The following POGLUT3 variants were observed in gnomAD, a reference collection of about 807,000 sequenced individuals.
The protein encoded by POGLUT3 is KDEL (Lys-Asp-Glu-Leu) containing 2.
POGLUT3 carries 48 observed loss-of-function variants against 54.3 expected under a neutral mutation model. The observed-to-expected ratio is 0.88, with a 90% CI of 0.70 to 1.12. The LOEUF (loss-of-function observed/expected upper bound fraction) is 1.12, where lower values mean the gene tolerates loss of function less well. Among genes scored for constraint, POGLUT3 ranks in the 50% most tolerant of loss-of-function variants. The probability of loss-of-function intolerance (pLI) is 0.00; values close to 1 mark genes in which losing one functional copy is unlikely to be tolerated. For synonymous variants in POGLUT3, 218 were observed against 237.4 expected (o/e 0.92, Z 0.75); for missense variants, 629 against 618.7 (o/e 1.02, Z -0.18).
At chr11:108,490,883 G>A (rs1173628444) in intron 2 of POGLUT3, 87 bp downstream of exon 2, 2 of 886,300 alleles carry the variant, frequency 2.3e-6, no homozygotes, top group African/African-American at 1.7e-5. Context: ...TACTGCACAT[G>A]ACTTTGAGGT....
chr11:108,489,980 G>T (rs1013505687), intron 2 of POGLUT3, among the ~76,000 whole-genome samples: 1 of 152,114 alleles, frequency 6.6e-6, no homozygotes, highest in Admixed American at 6.6e-5. Context: ...CGATCTCCCT[G>T]AGCTCAGGTG....
chr11:108,486,689 A>G, intron 2 of POGLUT3: 1 of 462,682 alleles, frequency 2.2e-6, no homozygotes, highest in Non-Finnish European at 3.8e-6. Context: ...TAGCTCATAA[A>G]TTCATCTCTA....
At chr11:108,485,339 A>G (rs2093600917) in intron 3 of POGLUT3, among the ~76,000 whole-genome samples, 1 of 152,204 alleles carries the variant, frequency 6.6e-6, no homozygotes, top group Non-Finnish European at 1.5e-5. Flanking sequence ...GAGAACTTAA[A>G]GCGGCCTCTT....
chr11:108,493,803 CA>C (rs11351337), intron 1 of POGLUT3, among the ~76,000 whole-genome samples: 19,432 of 82,008 alleles, frequency 0.24, 1,206 homozygotes, highest in African/African-American at 0.35. Flanking sequence ...GACTCTGTCT[CA>C]AAAAAAAAAA....
At chr11:108,495,761 T>C (rs1382123728) in intron 1 of POGLUT3, among the ~76,000 whole-genome samples, 12 of 151,972 alleles carry the variant, frequency 7.9e-5, no homozygotes, top group Admixed American at 7.9e-4. Context: ...TGGGCTCAAC[T>C]GATCCTTCTG....
At chr11:108,485,250 G>C (rs552211452) in intron 3 of POGLUT3, among the ~76,000 whole-genome samples, 104 of 152,286 alleles carry the variant, frequency 6.8e-4, no homozygotes, top group Middle Eastern at 3.4e-3. Context: ...TGTGTTCTAA[G>C]TTCAAGTCAT....
At chr11:108,498,033 A>T in intron 1 of POGLUT3, 132 bp downstream of exon 1, 1 of 698,716 alleles carries the variant, frequency 1.4e-6, no homozygotes, top group Non-Finnish European at 2.2e-6. Flanking sequence ...AGGGAAGAGG[A>T]GCTGACCAGA....
chr11:108,480,126 A>G (rs1244392925), intron 5 of POGLUT3, among the ~76,000 whole-genome samples: 1 of 152,224 alleles, frequency 6.6e-6, no homozygotes, highest in Non-Finnish European at 1.5e-5. Context: ...GTGAACCACT[A>G]CGCCCAGCCA....
intron 1 of POGLUT3, among the ~76,000 whole-genome samples, chr11:108,497,599 A>G (rs754806175): frequency 3.3e-5 from 5 of 152,178 alleles, no homozygotes; most frequent in Non-Finnish European, 5.9e-5. Flanking sequence ...TGGAGGGAAA[A>G]CCGAATGATT....
rs1231764289 is a variant in POGLUT3, at chr11:108,481,264, T to C, written c.1014A>G (p.Ala338=). ...LSKENPQLLD[A]GITGYFFFQE... is the part of the protein sequence containing the mutation. ...GGAAAAAGAAATATCCTGTAATTCC[T>C]GCATCTAGTAGCTGAGGATTTTCTT... The change falls in exon 5 of 8, where the codon GCA becomes GCG. Residue 338 remains alanine (A), a synonymous_variant. Coordinates refer to ENST00000323468, the MANE Select transcript of POGLUT3 (RefSeq NM_153705.5). The C allele has an allele frequency of 2.5e-6, 4 of 1,613,284 alleles. No homozygotes were observed. The African/African-American group carries it at 5.3e-5, about 22-fold the overall frequency.
chr11:108,491,888 C>G (rs2093614014), intron 1 of POGLUT3, among the ~76,000 whole-genome samples: 1 of 152,242 alleles, frequency 6.6e-6, no homozygotes, highest in Non-Finnish European at 1.5e-5. Context: ...CATGACAGAT[C>G]TCTCTAGTAA....
Position 108,498,370 on chromosome 11 carries a change from C to G in POGLUT3, c.-4G>C, listed in dbSNP as rs1025560687. The G allele has an allele frequency of 7.7e-7, 1 of 1,305,142 alleles. No individual in the cohort carries two copies. The highest frequency in any genetic ancestry group is 9.7e-7 in the Non-Finnish European group (1 of 1,030,392). 80.8% of individuals were successfully genotyped at this position (1,305,142 alleles called of 1,614,324 possible). ...GGGCCCGCGGGAGGCGGCGCATGGT[C>G]GGCGGGGCACAACTGCGGTCCAGCT... On this transcript the variant is annotated 5_prime_UTR_variant, in exon 1 of 8. Transcript: ENST00000323468.
chr11:108,486,171 A>G lies in POGLUT3; in HGVS notation c.670T>C (p.Ser224Pro). 6.2e-7 allele frequency: 1 copy of G among 1,606,986 alleles called. No homozygotes were observed. Among genetic ancestry groups the G allele is most frequent in the Non-Finnish European group, 8.5e-7 (1 of 1,174,344 alleles). Residue 224 changes from serine to proline, a missense_variant, in exon 3 of 8, where the codon TCA (serine) becomes CCA (proline). Coordinates refer to ENST00000323468, the MANE Select transcript of POGLUT3 (RefSeq NM_153705.5). ...CATTCTCCTACCTTTCTTGTCAATG[A>G]TAACAAAATCTCATCAGAGAACATC... ...FKMFSDEILL[S>P]LTRKVLLPDL...
chr11:108,481,837 GA>G (rs1276155611), intron 4 of POGLUT3, among the ~76,000 whole-genome samples, 168 bp downstream of exon 4: 1 of 152,166 alleles, frequency 6.6e-6, no homozygotes, highest in Non-Finnish European at 1.5e-5. Context: ...AGGGTGACCA[GA>G]AAAAACTATA....
At chr11:108,491,702 C>G (rs894929516) in intron 1 of POGLUT3, among the ~76,000 whole-genome samples, 1 of 152,124 alleles carries the variant, frequency 6.6e-6, no homozygotes, top group African/African-American at 2.4e-5. Flanking sequence ...TTCATGTATT[C>G]AAACCACGGA....
intron 5 of POGLUT3, among the ~76,000 whole-genome samples, chr11:108,480,425 T>C (rs965381470): frequency 6.6e-6 from 1 of 152,262 alleles, no homozygotes; most frequent in Admixed American, 6.5e-5. Flanking sequence ...TAGAATAATC[T>C]GAAGCAGGTA....
chr11:108,487,482 A>G (rs2093605667), intron 2 of POGLUT3, among the ~76,000 whole-genome samples: 1 of 152,112 alleles, frequency 6.6e-6, no homozygotes, highest in South Asian at 2.1e-4. Context: ...GCAGGGAGGG[A>G]AACTGTAGGC....
At chr11:108,486,996 T>A (rs2093604682) in intron 2 of POGLUT3, 1 of 152,702 alleles carries the variant, frequency 6.5e-6, no homozygotes, top group Non-Finnish European at 1.5e-5. Context: ...ACTCTTTAAG[T>A]CTGATAAGAA....
intron 7 of POGLUT3, among the ~76,000 whole-genome samples, chr11:108,476,730 G>A (rs1229469291): frequency 1.3e-5 from 2 of 151,964 alleles, no homozygotes; most frequent in Non-Finnish European, 2.9e-5. Flanking sequence ...ACCAATCCTC[G>A]GATTCCCAAT....
Sources: allele counts gnomAD v4.1 joint callset (sites outside exome capture counted in the v4.1 genomes callset), GRCh38; gene constraint gnomAD v4.1.1; transcripts MANE v1.5; gene names NCBI Gene and HGNC (gene_info 2026-07-23, HGNC 2026-07-21).